ILDR2: variants seen among roughly 807,000 people sequenced by gnomAD.
ILDR2 encodes the protein immunoglobulin-like domain-containing receptor 2.
A neutral mutation model predicts 66.8 loss-of-function variants in ILDR2; 25 were observed. The ratio of observed to expected loss-of-function variants is 0.37; its 90% CI spans 0.27 to 0.52. ILDR2 has a LOEUF of 0.52. Among genes scored for constraint, ILDR2 ranks in the 20% least tolerant of loss-of-function variants. The pLI, the probability that ILDR2 is intolerant of heterozygous loss-of-function variation, is 0.88. For synonymous variants in ILDR2, 367 were observed against 357.2 expected (o/e 1.03, Z -0.31); for missense variants, 827 against 876.8 (o/e 0.94, Z 0.72).
At chr1:166,897,615 T>C (rs1340507507) in intron 2 of ILDR2, among the ~76,000 whole-genome samples, 1 of 152,108 alleles carries the variant, frequency 6.6e-6, no homozygotes, top group Admixed American at 6.5e-5. Flanking sequence ...ACATGGACAA[T>C]AGTTCAATCA....
At chr1:166,902,131 ATTAGAGGCATGAG>A (rs1273270329) in intron 2 of ILDR2, among the ~76,000 whole-genome samples, 1 of 152,186 alleles carries the variant, frequency 6.6e-6, no homozygotes, top group Non-Finnish European at 1.5e-5. Context: ...AAGTGCTGGG[ATTAGAGGCATGAG>A]CCACCAGGCC....
At chr1:166,949,474 C>CA (rs1661840767) in intron 3 of ILDR2, among the ~76,000 whole-genome samples, 1 of 152,164 alleles carries the variant, frequency 6.6e-6, no homozygotes, top group South Asian at 2.1e-4. Flanking sequence ...ATATAATATG[C>CA]AAAAAATAAT....
At chr1:166,944,343 G>T (rs1413771982) in intron 3 of ILDR2, among the ~76,000 whole-genome samples, 1 of 152,152 alleles carries the variant, frequency 6.6e-6, no homozygotes, top group Non-Finnish European at 1.5e-5. Context: ...GCTAGGTGGA[G>T]ACACAGGGGA....
At chr1:166,973,543 A>C (rs1436305422) in intron 1 of ILDR2, among the ~76,000 whole-genome samples, 1 of 146,042 alleles carries the variant, frequency 6.8e-6, no homozygotes, top group East Asian at 2.1e-4. Flanking sequence ...CTCCCTGCAA[A>C]CCCCCAGAGT....
At chr1:166,939,399 G>T in intron 4 of ILDR2, 115 bp downstream of exon 4, 1 of 838,780 alleles carries the variant, frequency 1.2e-6, no homozygotes, top group Non-Finnish European at 2.0e-6. Context: ...GAAAAGATCA[G>T]AGACATATAG....
intron 6 of ILDR2, among the ~76,000 whole-genome samples, chr1:166,930,606 A>G (rs1660580961): frequency 6.6e-6 from 1 of 152,202 alleles, no homozygotes; most frequent in Admixed American, 6.5e-5. Context: ...TGTCACATAC[A>G]TTCTGAGGAG....
Position 166,922,596 on chromosome 1 carries a change from T to C in ILDR2, c.1208A>G (p.His403Arg), listed in dbSNP as rs200010771. 10 of 1,613,394 alleles carry C rather than the reference T, an allele frequency of 6.2e-6. No individual in the cohort carries two copies. In the African/African-American group the frequency reaches 1.2e-4, roughly 19 times the overall value. ...ACCTGCCCCTCACAGCCATCACCTG[T>C]GCCTGAAGCTCTCTCGATCCTCTTT... ...YNKEDRESFR[H>R]SQPRSKSEML... Residue 403 changes from histidine (H) to arginine (R), a missense_variant, in exon 8 of 10, where the codon CAC becomes CGC. Coordinates refer to ENST00000271417, the MANE Select transcript of ILDR2 (RefSeq NM_199351.3).
intron 3 of ILDR2, among the ~76,000 whole-genome samples, chr1:166,944,232 A>G (rs992315056): frequency 1.3e-5 from 2 of 152,112 alleles, no homozygotes; most frequent in African/African-American, 4.8e-5. Context: ...GTTATCCTCA[A>G]CTGAACTCTT....
rs765405008 is a variant in ILDR2, at chr1:166,956,865, AAAG to A, written c.380-16_380-14del. On this transcript the variant is annotated splice_polypyrimidine_tract_variant and intron_variant, in intron 2 of 9. Transcript: ENST00000271417. ...TGAAGATCTGCATCTGTTATCACAAAAAGAAGGACTCAGTCCTAAAACTCTGTC... is the reference window on the plus strand; with the variant it reads ...TGAAGATCTGCATCTGTTATCACAAAAAGGACTCAGTCCTAAAACTCTGTC... The A allele has an allele frequency of 6.2e-6, 10 of 1,613,224 alleles. No individual in the cohort carries two copies. The highest frequency in any genetic ancestry group is 2.7e-5 in the African/African-American group (2 of 74,890).
chr1:166,921,492 A>G lies in ILDR2; in HGVS notation c.1212-113T>C. ...GCCACGCTCAGGAGACCTCGGCCTG[A>G]GCCTCAGCTCCGCTCCAGGCTGGAT... On this transcript the variant is annotated intron_variant, in intron 8 of 9. Coordinates refer to ENST00000271417, the MANE Select transcript of ILDR2 (RefSeq NM_199351.3). This position sits in a 1 kb window ranked among gnomAD's most constrained non-coding sequence, Gnocchi z 5.3. 1.2e-6 allele frequency: 1 copy of G among 868,890 alleles called. No individual in the cohort carries two copies. The highest frequency in any genetic ancestry group is 1.7e-6 in the Non-Finnish European group (1 of 583,878). 53.8% of individuals were successfully genotyped at this position (868,890 alleles called of 1,614,324 possible). A position where few individuals can be genotyped will look rare whatever the true frequency, so the allele number is the denominator to read the frequency against.
intron 6 of ILDR2, among the ~76,000 whole-genome samples, chr1:166,930,492 C>T (rs577504993): frequency 6.6e-6 from 1 of 152,300 alleles, no homozygotes; most frequent in Non-Finnish European, 1.5e-5. Flanking sequence ...TAGCTAAAAA[C>T]CTGGGCAATT....
At chr1:166,895,897 C>T (rs558057710) in exon 3 of ILDR2, 7 of 152,234 alleles carry the variant, frequency 4.6e-5, no homozygotes, top group African/African-American at 7.2e-5. Flanking sequence ...TAGCAAGCCC[C>T]GTTTGTTCAG....
intron 2 of ILDR2, 107 bp downstream of exon 2, chr1:166,957,662 G>T (rs1662360535): frequency 1.1e-6 from 1 of 929,818 alleles, no homozygotes; most frequent in African/African-American, 1.6e-5. Context: ...AGTCTTGAGG[G>T]TCTGAAAGGG....
intron 3 of ILDR2, among the ~76,000 whole-genome samples, chr1:166,954,642 T>C (rs1236473768): frequency 1.3e-5 from 2 of 152,204 alleles, no homozygotes; most frequent in Non-Finnish European, 2.9e-5. Context: ...CCTTGGTAAG[T>C]TTTCCTTTAT....
chr1:166,957,646 A>T (rs1662358953), intron 2 of ILDR2, 123 bp downstream of exon 2: 2 of 811,920 alleles, frequency 2.5e-6, no homozygotes, highest in Non-Finnish European at 3.8e-6. Context: ...TTTCCAATAA[A>T]ATAAAAGTCT....
downstream of ILDR2, among the ~76,000 whole-genome samples, chr1:166,905,213 T>C (rs1659325494): frequency 6.6e-6 from 1 of 152,210 alleles, no homozygotes; most frequent in Admixed American, 6.5e-5. Context: ...TGCTAGCCCA[T>C]TCTGGCCATG....
intron 7 of ILDR2, among the ~76,000 whole-genome samples, chr1:166,925,088 A>G (rs1468448918): frequency 6.6e-6 from 1 of 152,158 alleles, no homozygotes; most frequent in Non-Finnish European, 1.5e-5. Flanking sequence ...AACTTCCCAG[A>G]CTAAAAACAT....
At position 166,921,419 on chromosome 1, in the gene ILDR2, C is replaced by CCCTGGAGCCCTA; in HGVS notation, c.1212-41_1212-40insTAGGGCTCCAGG. The CCCTGGAGCCCTA allele has an allele frequency of 6.8e-7, 1 of 1,480,584 alleles. No homozygotes were observed. The highest frequency in any genetic ancestry group is 9.0e-7 in the Non-Finnish European group (1 of 1,105,402). The allele number at this position is 1,480,584 out of a possible 1,614,324, so 91.7% of individuals were successfully genotyped here. On this transcript the variant is annotated intron_variant, in intron 8 of 9. Coordinates refer to ENST00000271417, the MANE Select transcript of ILDR2 (RefSeq NM_199351.3). This position sits in a 1 kb window ranked among gnomAD's most constrained non-coding sequence, Gnocchi z 5.3. ...GGAGGGGGTCAGACGGCCGGTCCCT[C>CCCTGGAGCCCTA]CCTGGAGCTCCAGGTAGGGCTCCCA...
At position 166,918,390 on chromosome 1, in the gene ILDR2, ATGT is replaced by A. The variant is rs1423297616; in HGVS notation, c.*962_*964del. Reference sequence around the variant, plus strand: ...TCCACATTCAAAATATAATGAGATGATGTTATTTCCCTTTTAAATTCCTTCTCA... The same window carrying A: ...TCCACATTCAAAATATAATGAGATGATATTTCCCTTTTAAATTCCTTCTCA... On this transcript the variant is annotated 3_prime_UTR_variant, in exon 10 of 10. Coordinates refer to ENST00000271417, the MANE Select transcript of ILDR2 (RefSeq NM_199351.3). 2 of 152,220 alleles carry A rather than the reference ATGT, an allele frequency of 1.3e-5. No individual in the cohort carries two copies. Among genetic ancestry groups the A allele is most frequent in the Non-Finnish European group, 1.5e-5 (1 of 68,040 alleles). The allele number at this position is 152,220 out of a possible 1,614,324, so 9.4% of individuals were successfully genotyped here.
Sources: gnomAD v4.1 joint callset for allele counts (sites outside exome capture counted in the v4.1 genomes callset) on GRCh38, gnomAD v4.1.1 for gene constraint, Gnocchi (gnomAD v3.1) non-coding constraint, MANE v1.5 for transcripts, NCBI Gene and HGNC (gene_info 2026-07-23, HGNC 2026-07-21) for gene names.